KLF12: variants seen among roughly 807,000 people sequenced by gnomAD.
KLF12 encodes Krueppel-like factor 12.
Under a neutral mutation model 37.8 loss-of-function variants are expected in KLF12, and 9 were observed. The observed-to-expected ratio is 0.24, with a 90% CI of 0.14 to 0.42. KLF12 has a LOEUF of 0.42. Ranked by LOEUF, KLF12 falls within the 10% of genes least tolerant of loss-of-function variation. KLF12 has a pLI of 1.00. For synonymous variants in KLF12, 208 were observed against 202.1 expected, an observed-to-expected ratio of 1.03 and a Z score of -0.25; for missense variants, 411 against 516.0, an observed-to-expected ratio of 0.80 and a Z score of 1.97.
chr13:73,877,701 A>C (rs1244864558), intron 3 of KLF12, among the ~76,000 whole-genome samples: 1 of 152,188 alleles, frequency 6.6e-6, no homozygotes, highest in African/African-American at 2.4e-5. Flanking sequence ...TCTATGAAAA[A>C]TAAGTGATCA....
chr13:74,208,974 C>T, the KLF12 span, among the ~76,000 whole-genome samples: 50 of 152,070 alleles, frequency 3.3e-4, no homozygotes, highest in African/African-American at 4.6e-4. Flanking sequence ...GTATTTCATA[C>T]GGGAGCACTA....
chr13:73,790,257 A>G (rs1346278875), intron 5 of KLF12, among the ~76,000 whole-genome samples: 1 of 152,190 alleles, frequency 6.6e-6, no homozygotes, highest in African/African-American at 2.4e-5. Context: ...CTAATCCTTA[A>G]CTTACAAATG....
chr13:74,186,930 C>T, the KLF12 span, among the ~76,000 whole-genome samples: 2 of 152,292 alleles, frequency 1.3e-5, no homozygotes, highest in Middle Eastern at 3.4e-3. Flanking sequence ...GCTAACAAGT[C>T]TCGTGCTCTT....
Position 73,908,411 on chromosome 13 carries a change from AAAC to A in KLF12, c.123+35567_123+35569del, listed in dbSNP as rs199504232. ...AGCGAGACTCTGTCTCAAAAAAAAA[AAAC>A]AAACAAACAAAAAAATTAACCTTTC... On this transcript the variant is annotated intron_variant, in intron 3 of 7. Transcript: ENST00000377669. 7.9e-3 allele frequency among the ~76,000 whole-genome samples: 1,170 copies of A among 148,904 alleles called. 18 individuals carry two copies. Among genetic ancestry groups the A allele is most frequent in the African/African-American group, 0.028 (1,099 of 39,798 alleles).
chr13:74,179,459 C>A, the KLF12 span, among the ~76,000 whole-genome samples: 1 of 152,138 alleles, frequency 6.6e-6, no homozygotes, highest in African/African-American at 2.4e-5. Flanking sequence ...TTGCCATCCA[C>A]CTTTTAGTAT....
chr13:73,897,810 T>G (rs1393356687), intron 3 of KLF12, among the ~76,000 whole-genome samples: 1 of 152,246 alleles, frequency 6.6e-6, no homozygotes, highest in Non-Finnish European at 1.5e-5. Flanking sequence ...AATCTAATGA[T>G]GCAATGCCTC....
intron 2 of KLF12, among the ~76,000 whole-genome samples, chr13:73,972,626 G>A (rs1437278865): frequency 2.8e-5 from 4 of 143,688 alleles, no homozygotes; most frequent in Non-Finnish European, 6.1e-5. Flanking sequence ...GGAATTCACA[G>A]TAATCACAGC....
At chr13:73,966,124 T>G (rs761012250) in intron 2 of KLF12, among the ~76,000 whole-genome samples, 1 of 152,226 alleles carries the variant, frequency 6.6e-6, no homozygotes, top group Non-Finnish European at 1.5e-5. Context: ...CCAAATTGGA[T>G]AGTGGTTAAA....
In KLF12 at chr13:73,834,468, C is replaced by T. The variant is rs184392178; in HGVS notation, c.670+11359G>A. ...TTCTGTTTTCCTGAACTCTTTCTGT[C>T]CCAAGACATAACTGTCCATTGCATT... On this transcript the variant is annotated intron_variant, in intron 4 of 7. Transcript: ENST00000377669. Among the ~76,000 whole-genome samples the T allele has an allele frequency of 3.9e-5, 6 of 152,288 alleles. No homozygotes were observed. In the East Asian group the frequency reaches 1.2e-3, roughly 29 times the overall value.
intron 1 of KLF12, among the ~76,000 whole-genome samples, chr13:74,063,056 CCT>C (rs965379466): frequency 2.0e-5 from 3 of 152,120 alleles, no homozygotes; most frequent in Admixed American, 6.5e-5. Flanking sequence ...TTCGGAAAAA[CCT>C]CTCTCTCCGA....
chr13:73,859,044 G>A (rs1487522850), intron 3 of KLF12, among the ~76,000 whole-genome samples: 2 of 152,176 alleles, frequency 1.3e-5, no homozygotes, highest in African/African-American at 4.8e-5. Context: ...CTCTCATTAG[G>A]TGGTGGGGTA....
chr13:73,799,364 G>A lies in KLF12; in HGVS notation c.806+13788C>T, dbSNP rs148979092. Among the ~76,000 whole-genome samples the A allele has an allele frequency of 5.6e-3, 847 of 152,096 alleles. 6 individuals carry two copies. Among genetic ancestry groups the A allele is most frequent in the South Asian group, 0.017 (82 of 4,820 alleles). On this transcript the variant is annotated intron_variant, in intron 5 of 7. Transcript: ENST00000377669. ...TGCACAACGAACCACCATGGCATGA[G>A]TTTACCTATGTAACAAACCTTCACA...
chr13:73,921,785 T>A (rs1889128191), intron 3 of KLF12, among the ~76,000 whole-genome samples: 1 of 152,200 alleles, frequency 6.6e-6, no homozygotes, highest in South Asian at 2.1e-4. Flanking sequence ...AACCCATATC[T>A]TTCTAGATAC....
chr13:74,171,757 T>A, the KLF12 span, among the ~76,000 whole-genome samples: 1 of 152,244 alleles, frequency 6.6e-6, no homozygotes, highest in South Asian at 2.1e-4. Context: ...CTAAAAAGAC[T>A]CCCACAAAAT....
At chr13:74,065,227 T>TATAC (rs1491104327) in intron 1 of KLF12, among the ~76,000 whole-genome samples, 2 of 49,660 alleles carry the variant, frequency 4.0e-5, no homozygotes, top group Non-Finnish European at 1.0e-4. Flanking sequence ...CACACACATG[T>TATAC]ATATATATAT....
chr13:74,280,825 CTTTTT>C, the KLF12 span, among the ~76,000 whole-genome samples: 1,279 of 110,598 alleles, frequency 0.012, 17 homozygotes, highest in African/African-American at 0.039. Context: ...TTTCTTTTTT[CTTTTT>C]TTTTTTTTTT....
chr13:73,857,595 G>A (rs1300833091), intron 3 of KLF12, among the ~76,000 whole-genome samples: 1 of 152,168 alleles, frequency 6.6e-6, no homozygotes, highest in Non-Finnish European at 1.5e-5. Context: ...CTAACTTACT[G>A]CAGGGACTTA....
At chr13:74,062,199 A>G (rs932076094) in intron 1 of KLF12, among the ~76,000 whole-genome samples, 1 of 152,136 alleles carries the variant, frequency 6.6e-6, no homozygotes, top group Non-Finnish European at 1.5e-5. Context: ...CTTATTGTAA[A>G]AAACGACTCA....
chr13:74,038,776 T>G (rs1050007283), intron 1 of KLF12, among the ~76,000 whole-genome samples: 2 of 152,216 alleles, frequency 1.3e-5, no homozygotes, highest in Non-Finnish European at 2.9e-5. Flanking sequence ...GGGTTGTGTT[T>G]GACTTCAAAA....
Sources: allele counts gnomAD v4.1 joint callset (sites outside exome capture counted in the v4.1 genomes callset), GRCh38; gene constraint gnomAD v4.1.1; transcripts MANE v1.5; gene names NCBI Gene and HGNC (gene_info 2026-07-23, HGNC 2026-07-21).